The following CFTR variants were observed in gnomAD, a reference collection of about 807,000 sequenced individuals.
CFTR encodes the protein cystic fibrosis transmembrane conductance regulator.
Under a neutral mutation model 171.6 loss-of-function variants are expected in CFTR, and 181 were observed. The ratio of observed to expected loss-of-function variants is 1.05; its 90% CI spans 0.93 to 1.19. CFTR has a LOEUF of 1.19. CFTR is among the 50% of genes most tolerant of loss of function. The probability of loss-of-function intolerance (pLI) is 0.00; values close to 1 mark genes in which losing one functional copy is unlikely to be tolerated. For synonymous variants in CFTR, 583 were observed against 608.0 expected (o/e 0.96, Z 0.60); for missense variants, 1,968 against 1,734.7 (o/e 1.13, Z -2.39).
At chr7:117,654,338 A>G (rs528936350) in intron 24 of CFTR, among the ~76,000 whole-genome samples, 1 of 152,154 alleles carries the variant, frequency 6.6e-6, no homozygotes, top group Non-Finnish European at 1.5e-5. Context: ...GGAGGCAGCC[A>G]TCCCCCTACA....
At chr7:117,630,873 G>A (rs1217334142) in intron 22 of CFTR, among the ~76,000 whole-genome samples, 1 of 152,170 alleles carries the variant, frequency 6.6e-6, no homozygotes, top group African/African-American at 2.4e-5. Flanking sequence ...TCCAGGCAAA[G>A]GGCATAACAT....
chr7:117,544,521 A>AATT (rs1394357345), intron 9 of CFTR, among the ~76,000 whole-genome samples: 1 of 152,150 alleles, frequency 6.6e-6, no homozygotes, highest in East Asian at 1.9e-4. Flanking sequence ...TCACCTTTGG[A>AATT]ATTATCTTTT....
intron 3 of CFTR, among the ~76,000 whole-genome samples, chr7:117,520,035 A>G (rs1313138653): frequency 9.9e-5 from 15 of 151,970 alleles, no homozygotes; most frequent in Non-Finnish European, 1.9e-4. Flanking sequence ...AGTTTTAAAA[A>G]TGCCAAGTGA....
intron 11 of CFTR, among the ~76,000 whole-genome samples, chr7:117,576,138 T>G (rs1019394053): frequency 5.9e-5 from 9 of 152,138 alleles, no homozygotes; most frequent in Non-Finnish European, 1.2e-4. Context: ...AGATAATTTT[T>G]TAGTAGTCCC....
At chr7:117,628,857 A>G (rs564033591) in intron 22 of CFTR, among the ~76,000 whole-genome samples, 1 of 152,258 alleles carries the variant, frequency 6.6e-6, no homozygotes, top group South Asian at 2.1e-4. Flanking sequence ...GGTAGCTGAA[A>G]GTGTTTTTTC....
In CFTR at chr7:117,499,981, G is replaced by A. The variant is rs557632177; in HGVS notation, c.54-4272G>A. The stretch of plus-strand genomic sequence containing the variant: ...GGGAAGACAGCAGGCCCAAGTGAAA[G>A]GCAGAGCCGAGTTTATTGCTTTTTG... On this transcript the variant is annotated intron_variant, in intron 1 of 26. Coordinates refer to ENST00000003084, the MANE Select transcript of CFTR (RefSeq NM_000492.4). Among the ~76,000 whole-genome samples, 266 of 152,252 alleles carry A rather than the reference G, an allele frequency of 1.7e-3. 2 individuals carry two copies. The highest frequency in any genetic ancestry group is 6.0e-3 in the African/African-American group (251 of 41,550).
At chr7:117,611,110 T>A (rs1792378513) in intron 19 of CFTR, among the ~76,000 whole-genome samples, 1 of 152,146 alleles carries the variant, frequency 6.6e-6, no homozygotes, top group Admixed American at 6.6e-5. Context: ...CAAACTCTAC[T>A]TGAGCTGTTA....
chr7:117,645,253 T>G (rs1000453413), intron 23 of CFTR, among the ~76,000 whole-genome samples: 1 of 152,192 alleles, frequency 6.6e-6, no homozygotes. Flanking sequence ...AACTCCTACA[T>G]GCTTAACATT....
chr7:117,610,152 C>T (rs921290290), intron 18 of CFTR, among the ~76,000 whole-genome samples: 3 of 143,828 alleles, frequency 2.1e-5, no homozygotes, highest in African/African-American at 5.2e-5. Context: ...AACCAAACAC[C>T]GCATATTCTC....
chr7:117,545,546 C>T (rs988773343), intron 9 of CFTR, among the ~76,000 whole-genome samples: 2 of 152,170 alleles, frequency 1.3e-5, no homozygotes, highest in Non-Finnish European at 2.9e-5. Context: ...TTCATAAACG[C>T]ACTCATTTTA....
At chr7:117,665,587 AAG>A in intron 26 of CFTR, 23 bp downstream of exon 26, 1 of 1,362,800 alleles carries the variant, frequency 7.3e-7, no homozygotes, top group Non-Finnish European at 1.1e-6. Flanking sequence ...AACTTTACTT[AAG>A]ATCTCATTGC....
intron 24 of CFTR, among the ~76,000 whole-genome samples, 183 bp from the exon 25 acceptor site, chr7:117,664,505 T>G (rs1312401917): frequency 6.6e-6 from 1 of 152,226 alleles, no homozygotes; most frequent in Non-Finnish European, 1.5e-5. Context: ...AGACTGATTC[T>G]TTTGAGCTGT....
chr7:117,592,336 C>T lies in CFTR; in HGVS notation c.2169C>T (p.Gly723=). The change falls in exon 14 of 27, where the codon GGC becomes GGT. Residue 723 remains glycine (G), a synonymous_variant. Coordinates refer to ENST00000003084, the MANE Select transcript of CFTR (RefSeq NM_000492.4). ...IVQKTPLQMN[G]IEEDSDEPLE... ...AAAAGACTCCCTTACAAATGAATGG[C>T]ATCGAAGAGGATTCTGATGAGCCTT... is the stretch of plus-strand genomic sequence containing the variant. 1 of 1,614,130 alleles carries T rather than the reference C, an allele frequency of 6.2e-7. No individual in the cohort carries two copies. The highest frequency in any genetic ancestry group is 8.5e-7 in the Non-Finnish European group (1 of 1,179,998).
rs957779214 is a variant in CFTR, at chr7:117,539,708, A to T, written c.870-392A>T. ...TTCTCATTTCCATACTTAATTACTT[A>T]AAACACCAACCAACCAACAAGCAAA... is the stretch of plus-strand genomic sequence containing the variant. On this transcript the variant is annotated intron_variant, in intron 7 of 26. Transcript: ENST00000003084. 5.3e-5 allele frequency among the ~76,000 whole-genome samples: 8 copies of T among 152,160 alleles called. No individual in the cohort carries two copies. The East Asian group carries it at 1.5e-3, about 29-fold the overall frequency.
At chr7:117,590,253 A>G (rs1792004868) in intron 12 of CFTR, 100 bp from the exon 13 acceptor site, 3 of 1,392,046 alleles carry the variant, frequency 2.2e-6, no homozygotes, top group Admixed American at 1.9e-5. Context: ...TGTGGTGACC[A>G]TATTGTAATG....
chr7:117,623,694 C>T (rs1194364123), intron 21 of CFTR, among the ~76,000 whole-genome samples: 1 of 152,164 alleles, frequency 6.6e-6, no homozygotes, highest in Admixed American at 6.6e-5. Flanking sequence ...TGTAGACCTA[C>T]AGCACTGTCA....
intron 11 of CFTR, among the ~76,000 whole-genome samples, chr7:117,560,379 G>T (rs1333840708): frequency 1.3e-5 from 2 of 152,068 alleles, no homozygotes; most frequent in African/African-American, 4.8e-5. Flanking sequence ...TTAGGGCAGG[G>T]AATATGTTAC....
At chr7:117,664,212 AG>A (rs1793331849) in intron 24 of CFTR, among the ~76,000 whole-genome samples, 1 of 152,220 alleles carries the variant, frequency 6.6e-6, no homozygotes, top group African/African-American at 2.4e-5. Context: ...GATGGGAGGT[AG>A]CACCAAGGAT....
chr7:117,500,278 CTTTTTTTTTTTTTTTTT>C (rs745627454), intron 1 of CFTR, among the ~76,000 whole-genome samples: 3 of 76,488 alleles, frequency 3.9e-5, no homozygotes, highest in African/African-American at 1.5e-4. Flanking sequence ...TTCTTCCTTT[CTTTTTTTTTTTTTTTTT>C]TTTTTTTTGA....
Sources: allele counts gnomAD v4.1 joint callset (sites outside exome capture counted in the v4.1 genomes callset), GRCh38; gene constraint gnomAD v4.1.1; transcripts MANE v1.5; gene names NCBI Gene and HGNC (gene_info 2026-07-23, HGNC 2026-07-21).